The following DSCAM variants were observed in gnomAD, a reference collection of about 807,000 sequenced individuals.
DSCAM encodes the protein cell adhesion molecule DSCAM.
A neutral mutation model predicts 217.7 loss-of-function variants in DSCAM; 47 were observed. The ratio of observed to expected loss-of-function variants is 0.22; its 90% CI spans 0.17 to 0.28. The LOEUF is 0.28. DSCAM is among the 10% of genes least tolerant of loss of function. The pLI is 1.00. For missense variants in DSCAM, 2,080 were observed against 2,618.3 expected, an observed-to-expected ratio of 0.79 and a Z score of 4.49; for synonymous variants, 1,056 against 1,015.3, an observed-to-expected ratio of 1.04 and a Z score of -0.76.
chr21:40,349,078 A>G lies in DSCAM; in HGVS notation c.935-1133T>C, dbSNP rs1252421181. Reference sequence around the variant, plus strand: ...TGTGAACCTGGGAAGAGGAGCTTGCAGTGAGCTGAGATGGCGCCACTGCAC... The same window carrying G: ...TGTGAACCTGGGAAGAGGAGCTTGCGGTGAGCTGAGATGGCGCCACTGCAC... On this transcript the variant is annotated intron_variant, in intron 5 of 32. Coordinates refer to ENST00000400454, the MANE Select transcript of DSCAM (RefSeq NM_001389.5). 5.0e-5 allele frequency among the ~76,000 whole-genome samples: 7 copies of G among 141,142 alleles called. No homozygotes were observed. The Admixed American group carries it at 5.4e-4, about 11-fold the overall frequency. The allele number at this position is 141,142 out of a possible 152,430, so 92.6% of individuals were successfully genotyped here. A position where few individuals can be genotyped will look rare whatever the true frequency, so the allele number is the denominator to read the frequency against.
intron 4 of DSCAM, among the ~76,000 whole-genome samples, chr21:40,368,430 G>T (rs1392518846): frequency 1.3e-5 from 2 of 152,144 alleles, no homozygotes; most frequent in African/African-American, 4.8e-5. Flanking sequence ...CAAGTTCAAA[G>T]GAAAACTAAT....
intron 3 of DSCAM, among the ~76,000 whole-genome samples, chr21:40,463,492 C>T (rs1184737079): frequency 6.6e-6 from 1 of 152,106 alleles, no homozygotes; most frequent in African/African-American, 2.4e-5. Context: ...TGAAATTCCC[C>T]TCCAATATCA....
chr21:40,471,789 AATTTTT>A (rs1363205278), intron 3 of DSCAM, among the ~76,000 whole-genome samples: 4 of 152,086 alleles, frequency 2.6e-5, no homozygotes, highest in Non-Finnish European at 5.9e-5. Flanking sequence ...TACTTTACTT[AATTTTT>A]ATTTTTATTT....
intron 25 of DSCAM, among the ~76,000 whole-genome samples, chr21:40,079,563 A>G (rs2089422058): frequency 6.6e-6 from 1 of 152,076 alleles, no homozygotes; most frequent in African/African-American, 2.4e-5. Context: ...TAGGACTCCT[A>G]TGGGAGGGAA....
rs572990789 is a variant in DSCAM at position 40,561,759 on chromosome 21, C to CTAAG, written c.508+131047_508+131050dup. On this transcript the variant is annotated intron_variant, in intron 3 of 32. Transcript: ENST00000400454. ...AACAATAATGACGAGACCGAGTGAA[C>CTAAG]TAAGCTGTCTTCAGTTTTGGAGATG... Among the ~76,000 whole-genome samples, 43 of 149,086 alleles carry CTAAG rather than the reference C, an allele frequency of 2.9e-4. 1 individual carries two copies. The South Asian group carries it at 8.8e-3, about 30-fold the overall frequency.
At chr21:40,560,076 A>C (rs1327687602) in intron 3 of DSCAM, among the ~76,000 whole-genome samples, 1 of 152,140 alleles carries the variant, frequency 6.6e-6, no homozygotes, top group East Asian at 1.9e-4. Context: ...TATAGGCTTG[A>C]GCCACCATGC....
chr21:40,107,920 T>C (rs780707886), intron 20 of DSCAM, among the ~76,000 whole-genome samples: 8 of 152,136 alleles, frequency 5.3e-5, no homozygotes, highest in Non-Finnish European at 1.0e-4. Context: ...AATGTGATTA[T>C]CTCAAATAGA....
At position 40,012,856 on chromosome 21, in the gene DSCAM, C is replaced by G. The variant is rs2088082117; in HGVS notation, c.*178G>C. ...CAGGCGGATGGAGCTCACACTCAGA[C>G]AGAAAAAAAGCAGGAGAGTCTTTGC... On this transcript the variant is annotated 3_prime_UTR_variant, in exon 33 of 33. Transcript: ENST00000400454. 1 of 456,038 alleles carries G rather than the reference C, an allele frequency of 2.2e-6. No individual in the cohort carries two copies. Among genetic ancestry groups the G allele is most frequent in the African/African-American group, 2.1e-5 (1 of 48,740 alleles). 28.2% of individuals were successfully genotyped at this position (456,038 alleles called of 1,614,324 possible).
At chr21:40,266,659 A>T (rs1302870914) in intron 11 of DSCAM, among the ~76,000 whole-genome samples, 1 of 124,872 alleles carries the variant, frequency 8.0e-6, no homozygotes, top group Non-Finnish European at 1.6e-5. Flanking sequence ...ATATATATAT[A>T]TATATATATA....
intron 11 of DSCAM, among the ~76,000 whole-genome samples, chr21:40,234,941 G>A (rs1177998219): frequency 6.6e-6 from 1 of 152,072 alleles, no homozygotes; most frequent in Admixed American, 6.6e-5. Flanking sequence ...TGACTTAGTT[G>A]CCCTATGTCT....
intron 11 of DSCAM, among the ~76,000 whole-genome samples, chr21:40,274,155 C>T (rs912265528): frequency 6.6e-6 from 1 of 152,202 alleles, no homozygotes; most frequent in East Asian, 1.9e-4. Context: ...GCAGGGGCCA[C>T]CTCATCTCCT....
chr21:40,207,361 G>C (rs768792535), intron 11 of DSCAM, among the ~76,000 whole-genome samples: 3 of 152,160 alleles, frequency 2.0e-5, no homozygotes, highest in Non-Finnish European at 4.4e-5. Context: ...GTGGGGACTG[G>C]GGTGCTGGCA....
intron 22 of DSCAM, among the ~76,000 whole-genome samples, chr21:40,086,967 AG>A (rs1296510031): frequency 1.3e-5 from 2 of 152,204 alleles, no homozygotes; most frequent in Non-Finnish European, 2.9e-5. Flanking sequence ...GAATTAACAG[AG>A]GGTTGATACA....
rs548931700 is a variant in DSCAM at position 40,304,676 on chromosome 21, C to T, written c.2062+7405G>A. Among the ~76,000 whole-genome samples the T allele has an allele frequency of 5.3e-5, 8 of 152,248 alleles. No individual in the cohort carries two copies. In the South Asian group the frequency reaches 1.5e-3, roughly 28 times the overall value. On this transcript the variant is annotated intron_variant, in intron 9 of 32. Transcript: ENST00000400454. ...TGAAACACCGGAGACTGTTGTGGGG[C>T]CATTCATTGGCCTAATTTCAATATT...
Position 40,080,142 on chromosome 21 carries a change from G to C in DSCAM, c.4420+10C>G. ...AAGGATATTAAGAAGCGATGAGAAGGCATACCTACCTTTTCCTAAGGTCTT... is the reference window on the plus strand; with the variant it reads ...AAGGATATTAAGAAGCGATGAGAAGCCATACCTACCTTTTCCTAAGGTCTT... On this transcript the variant is annotated intron_variant, in intron 25 of 32. Transcript: ENST00000400454. 6.6e-7 allele frequency: 1 copy of C among 1,505,122 alleles called. No homozygotes were observed. The highest frequency in any genetic ancestry group is 1.1e-5 in the South Asian group (1 of 87,688). 93.2% of individuals were successfully genotyped at this position (1,505,122 alleles called of 1,614,324 possible).
intron 8 of DSCAM, among the ~76,000 whole-genome samples, chr21:40,321,700 A>G (rs549411286): frequency 6.0e-5 from 9 of 150,822 alleles, no homozygotes; most frequent in Non-Finnish European, 1.3e-4. Flanking sequence ...CATTGCTGCG[A>G]GCATTTACCT....
intron 14 of DSCAM, among the ~76,000 whole-genome samples, chr21:40,179,745 T>A (rs987154823): frequency 6.6e-6 from 1 of 152,258 alleles, no homozygotes; most frequent in African/African-American, 2.4e-5. Flanking sequence ...CAGCTAATTA[T>A]AACAGCAGCA....
At chr21:40,605,662 A>AT (rs1468212783) in intron 3 of DSCAM, among the ~76,000 whole-genome samples, 1 of 152,164 alleles carries the variant, frequency 6.6e-6, no homozygotes, top group Non-Finnish European at 1.5e-5. Flanking sequence ...CATTTTGCTG[A>AT]TCCCTGCTCT....
At chr21:40,291,032 C>G (rs2073885504) in intron 10 of DSCAM, among the ~76,000 whole-genome samples, 1 of 152,132 alleles carries the variant, frequency 6.6e-6, no homozygotes, top group Non-Finnish European at 1.5e-5. Context: ...AGAGAGGAGC[C>G]CAAAACCCTG....
Sources: allele counts gnomAD v4.1 joint callset (sites outside exome capture counted in the v4.1 genomes callset), GRCh38; gene constraint gnomAD v4.1.1; transcripts MANE v1.5; gene names NCBI Gene and HGNC (gene_info 2026-07-23, HGNC 2026-07-21).